FBXO41: variants seen among roughly 807,000 people sequenced by gnomAD.
FBXO41 encodes F-box only protein 41.
In FBXO41, 33 loss-of-function variants were observed where a neutral mutation model predicts 81.6. The ratio of observed to expected loss-of-function variants is 0.40; its 90% CI spans 0.31 to 0.54. FBXO41 has a LOEUF of 0.54. FBXO41 is among the 20% of genes least tolerant of loss of function. FBXO41 has a pLI of 0.39. For synonymous variants in FBXO41, 576 were observed against 552.7 expected, an observed-to-expected ratio of 1.04 and a Z score of -0.59; for missense variants, 1,107 against 1,236.0, an observed-to-expected ratio of 0.90 and a Z score of 1.56.
At chr2:73,274,410 A>G (rs892028679) in intron 1 of FBXO41, among the ~76,000 whole-genome samples, 1 of 152,202 alleles carries the variant, frequency 6.6e-6, no homozygotes, top group Non-Finnish European at 1.5e-5. Context: ...TGTGTCATTT[A>G]TATACCTCAA....
In FBXO41 at chr2:73,263,727, G is replaced by A. The variant is rs1423092625; in HGVS notation, c.2026C>T (p.Leu676Phe). 1 of 1,613,996 alleles carries A rather than the reference G, an allele frequency of 6.2e-7. No homozygotes were observed. The highest frequency in any genetic ancestry group is 8.5e-7 in the Non-Finnish European group (1 of 1,179,896). ...HCPNILTDRS[L>F]WLASCYCRAL... Reference sequence around the variant, plus strand: ...CGGCAGTAGCAGCTGGCCAGCCAGAGCGAGCGGTCGGTGAGGATGTTTGGA... The same window carrying A: ...CGGCAGTAGCAGCTGGCCAGCCAGAACGAGCGGTCGGTGAGGATGTTTGGA... Residue 676 changes from leucine to phenylalanine, a missense_variant, in exon 8 of 13, where the codon CTC becomes TTC. By Grantham distance (22) the Leu-to-Phe change is conservative. Around this residue, in one of 2 missense-constraint regions of FBXO41, gnomAD observed 336 missense variants for 446.7 expected, o/e 0.75. Coordinates refer to ENST00000520530, the MANE Select transcript of FBXO41 (RefSeq NM_001371389.2).
At position 73,268,737 on chromosome 2, in the gene FBXO41, G is replaced by A; in HGVS notation, c.894C>T (p.Ser298=). Residue 298 remains serine (S), a synonymous_variant, in exon 2 of 13, where the codon AGC becomes AGT. Transcript: ENST00000520530. ...GAGGGTCTACTCACTGCTGCTTGCG[G>A]CTCAGCTCCTGTTCCTTGTGCACCA... ...QDLVHKEQEL[S]RKQQEVVQID... 3 of 1,545,794 alleles carry A rather than the reference G, an allele frequency of 1.9e-6. No individual in the cohort carries two copies. The highest frequency in any genetic ancestry group is 2.6e-6 in the Non-Finnish European group (3 of 1,141,320).
At chr2:73,276,608 G>A (rs1688696260) in intron 1 of FBXO41, among the ~76,000 whole-genome samples, 1 of 86,060 alleles carries the variant, frequency 1.2e-5, no homozygotes. Flanking sequence ...GAGAGAGGGA[G>A]AGAGGGAGAG....
intron 1 of FBXO41, among the ~76,000 whole-genome samples, chr2:73,282,143 C>A (rs140165897): frequency 1.3e-5 from 2 of 152,272 alleles, no homozygotes; most frequent in East Asian, 3.9e-4. Context: ...TACAGGCATG[C>A]ACCACCACAC....
rs778503960 is a variant in FBXO41 at position 73,263,977 on chromosome 2, C to T, written c.1883G>A (p.Gly628Glu). Reference sequence around the variant, plus strand: ...ATACTCCTCCTTGCTCTCCTTCTTTCCCCGCTGCCGGGGCTTCAAGTTCTG... The same window carrying T: ...ATACTCCTCCTTGCTCTCCTTCTTTTCCCGCTGCCGGGGCTTCAAGTTCTG... ...TLQNLKPRQR[G>E]KKESKEEYAR... The change falls in exon 7 of 13, where the codon GGA (glycine) becomes GAA (glutamate). Residue 628 changes from glycine (G) to glutamate (E), a missense_variant. Gly to Glu is a moderately conservative substitution (Grantham distance 98, BLOSUM62 -2). Around this residue, in one of 2 missense-constraint regions of FBXO41, gnomAD observed 336 missense variants for 446.7 expected, o/e 0.75. Coordinates refer to ENST00000520530, the MANE Select transcript of FBXO41 (RefSeq NM_001371389.2). 39 of 1,606,876 alleles carry T rather than the reference C, an allele frequency of 2.4e-5. No homozygotes were observed. Among genetic ancestry groups the T allele is most frequent in the Non-Finnish European group, 3.2e-5 (38 of 1,176,420 alleles).
In FBXO41 at chr2:73,266,409, G is replaced by C. The variant is rs766986559; in HGVS notation, c.1131+48C>G. On this transcript the variant is annotated intron_variant, in intron 3 of 12. Coordinates refer to ENST00000520530, the MANE Select transcript of FBXO41 (RefSeq NM_001371389.2). This position sits in a 1 kb window ranked among gnomAD's most constrained non-coding sequence, Gnocchi z 5.3. ...CCAGCCATGTGAAAGGTGAGGTTGTGGGGGGCCAGGTGTGCAGGTAGAGGA... is the reference window on the plus strand; with the variant it reads ...CCAGCCATGTGAAAGGTGAGGTTGTCGGGGGCCAGGTGTGCAGGTAGAGGA... 68 of 1,440,984 alleles carry C rather than the reference G, an allele frequency of 4.7e-5. No homozygotes were observed. The South Asian group carries it at 8.7e-4, about 18-fold the overall frequency. 89.3% of individuals were successfully genotyped at this position (1,440,984 alleles called of 1,614,324 possible). A position where few individuals can be genotyped will look rare whatever the true frequency, so the allele number is the denominator to read the frequency against.
At position 73,269,102 on chromosome 2, in the gene FBXO41, G is replaced by A. The variant is rs562660663; in HGVS notation, c.529C>T (p.Pro177Ser). Residue 177 changes from proline (P) to serine (S), a missense_variant, in exon 2 of 13, where the codon CCC (proline) becomes TCC (serine). Coordinates refer to ENST00000520530, the MANE Select transcript of FBXO41 (RefSeq NM_001371389.2). This position sits in a 1 kb window ranked among gnomAD's most constrained non-coding sequence, Gnocchi z 7.0. ...ACSTPPPGPG[P>S]GPCPGPASAS... ...GAGGCAGGCCCGGGGCAAGGGCCGG[G>A]GCCGGGGCCAGGCGGCGGCGTCGAG... 5 of 1,508,092 alleles carry A rather than the reference G, an allele frequency of 3.3e-6. No homozygotes were observed. Among genetic ancestry groups the A allele is most frequent in the Middle Eastern group, 1.9e-4 (1 of 5,392 alleles). The allele number at this position is 1,508,092 out of a possible 1,614,324, so 93.4% of individuals were successfully genotyped here. A position where few individuals can be genotyped will look rare whatever the true frequency, so the allele number is the denominator to read the frequency against.
At chr2:73,276,560 C>CAGAGAGAGAGAGAGAGAGAG (rs533998261) in intron 1 of FBXO41, among the ~76,000 whole-genome samples, 76 of 106,426 alleles carry the variant, frequency 7.1e-4, no homozygotes, top group Non-Finnish European at 1.1e-3. Context: ...CAAATCTATT[C>CAGAGAGAGAGAGAGAGAGAG]AGAGAGAGAG....
rs372898590 is a variant in FBXO41, at chr2:73,259,715, G to A, written c.2450-419C>T. ...GAGGGCTTCAGGGACTGGATATGTC[G>A]TGAAGTCGGGGGAGGTAGAGGAAGA... On this transcript the variant is annotated intron_variant, in intron 11 of 12. Coordinates refer to ENST00000520530, the MANE Select transcript of FBXO41 (RefSeq NM_001371389.2). This position sits in a 1 kb window ranked among gnomAD's most constrained non-coding sequence, Gnocchi z 4.2. Among the ~76,000 whole-genome samples the A allele has an allele frequency of 3.9e-5, 6 of 152,306 alleles. No individual in the cohort carries two copies. The highest frequency in any genetic ancestry group is 1.9e-4 in the East Asian group (1 of 5,186).
chr2:73,263,048 C>G (rs137910490), intron 9 of FBXO41, among the ~76,000 whole-genome samples, 165 bp downstream of exon 9: 100 of 152,300 alleles, frequency 6.6e-4, no homozygotes, highest in Middle Eastern at 3.4e-3. Context: ...CTCGACCAAC[C>G]AGGTCTGATT....
Position 73,255,021 on chromosome 2 carries a change from G to T in FBXO41, c.*3961C>A, listed in dbSNP as rs1213753442. On this transcript the variant is annotated 3_prime_UTR_variant, in exon 13 of 13. Coordinates refer to ENST00000520530, the MANE Select transcript of FBXO41 (RefSeq NM_001371389.2). ...CTGTGTAGGAAGGTAGGGCCTAAGGGCCAGTTATGGAGGTTGCCCACCAGT... is the reference window on the plus strand; with the variant it reads ...CTGTGTAGGAAGGTAGGGCCTAAGGTCCAGTTATGGAGGTTGCCCACCAGT... The T allele has an allele frequency of 6.5e-6, 1 of 152,732 alleles. No homozygotes were observed. Among genetic ancestry groups the T allele is most frequent in the Non-Finnish European group, 1.5e-5 (1 of 68,092 alleles). The allele number at this position is 152,732 out of a possible 1,614,324, so 9.5% of individuals were successfully genotyped here.
At chr2:73,277,447 A>AT (rs765601048) in intron 1 of FBXO41, among the ~76,000 whole-genome samples, 37 of 152,180 alleles carry the variant, frequency 2.4e-4, no homozygotes, top group Non-Finnish European at 4.6e-4. Context: ...ACAGTTGAAG[A>AT]TTTTCCTTTG....
rs1687852129 is a variant in FBXO41, at chr2:73,257,351, G to C, written c.*1631C>G. ...ATAGCAAAAGCTGGGACAGAGCTAG[G>C]GAGTGACGCCATGGGAGCTGGGTGT... On this transcript the variant is annotated 3_prime_UTR_variant, in exon 13 of 13. Coordinates refer to ENST00000520530, the MANE Select transcript of FBXO41 (RefSeq NM_001371389.2). This position sits in a 1 kb window ranked among gnomAD's most constrained non-coding sequence, Gnocchi z 4.6. The C allele has an allele frequency of 6.6e-6, 1 of 152,382 alleles. No individual in the cohort carries two copies. The highest frequency in any genetic ancestry group is 2.4e-5 in the African/African-American group (1 of 41,460). The allele number at this position is 152,382 out of a possible 1,614,324, so 9.4% of individuals were successfully genotyped here.
chr2:73,258,785 A>G lies in FBXO41; in HGVS notation c.*197T>C, dbSNP rs564585221. 2 of 611,574 alleles carry G rather than the reference A, an allele frequency of 3.3e-6. No homozygotes were observed. The highest frequency in any genetic ancestry group is 3.7e-5 in the African/African-American group (2 of 54,430). 37.9% of individuals were successfully genotyped at this position (611,574 alleles called of 1,614,324 possible). ...GGGCAGCTTCTGTCCAAGCCCCTGT[A>G]CTGGGGAGGCAGTGCCCTGGGTCAG... On this transcript the variant is annotated 3_prime_UTR_variant, in exon 13 of 13. Transcript: ENST00000520530.
intron 9 of FBXO41, among the ~76,000 whole-genome samples, chr2:73,261,309 C>T (rs1319157928): frequency 6.6e-6 from 1 of 152,112 alleles, no homozygotes; most frequent in Non-Finnish European, 1.5e-5. Context: ...TCTGCTGCCT[C>T]GGCTTCCCAA....
At chr2:73,271,744 C>T (rs1475278511) in intron 1 of FBXO41, among the ~76,000 whole-genome samples, 1 of 151,970 alleles carries the variant, frequency 6.6e-6, no homozygotes, top group Non-Finnish European at 1.5e-5. Context: ...GATTCTCCTG[C>T]CTCAGCCTCC....
chr2:73,265,426 G>C lies in FBXO41; in HGVS notation c.1420C>G (p.Pro474Ala), dbSNP rs908113664. Reference protein sequence around the residue: ...RQAIQNWQRRPRRHSTEGEEG... With the variant: ...RQAIQNWQRRARRHSTEGEEG... Reference sequence around the variant, plus strand: ...TCCCCCTCAGTGCTGTGTCGGCGGGGTCTGCGCTGCCAGTTCTGGATGGCC... The same window carrying C: ...TCCCCCTCAGTGCTGTGTCGGCGGGCTCTGCGCTGCCAGTTCTGGATGGCC... Residue 474 changes from proline to alanine, a missense_variant, in exon 5 of 13, where the codon CCC (proline) becomes GCC (alanine). Pro to Ala is a conservative substitution (Grantham distance 27). Transcript: ENST00000520530. 1 of 1,608,526 alleles carries C rather than the reference G, an allele frequency of 6.2e-7. No individual in the cohort carries two copies. Among genetic ancestry groups the C allele is most frequent in the African/African-American group, 1.3e-5 (1 of 74,936 alleles).
chr2:73,266,027 G>C lies in FBXO41; in HGVS notation c.1132-61C>G. ...GCGGAGGAGGCAAGAGGATGAGCAG[G>C]AATAGCAGGGGAAACAGGGCAAAAG... On this transcript the variant is annotated intron_variant, in intron 3 of 12. Coordinates refer to ENST00000520530, the MANE Select transcript of FBXO41 (RefSeq NM_001371389.2). The surrounding 1 kb of genome is among the most constrained non-coding windows in gnomAD (Gnocchi z 5.3). 6.9e-7 allele frequency: 1 copy of C among 1,449,904 alleles called. No homozygotes were observed. Among genetic ancestry groups the C allele is most frequent in the East Asian group, 2.5e-5 (1 of 40,056 alleles). 89.8% of individuals were successfully genotyped at this position (1,449,904 alleles called of 1,614,324 possible).
intron 1 of FBXO41, among the ~76,000 whole-genome samples, chr2:73,279,749 G>A (rs536114530): frequency 6.6e-6 from 1 of 152,274 alleles, no homozygotes; most frequent in East Asian, 1.9e-4. Context: ...TGAAGAGGAG[G>A]AGGCAGCATG....
Sources: allele counts gnomAD v4.1 joint callset (sites outside exome capture counted in the v4.1 genomes callset), GRCh38; gene constraint gnomAD v4.1.1; regional missense constraint gnomAD v4.1.1; non-coding constraint Gnocchi (gnomAD v3.1); transcripts MANE v1.5; gene names NCBI Gene and HGNC (gene_info 2026-07-23, HGNC 2026-07-21).